The following FAM13A variants were observed in gnomAD, a reference collection of about 807,000 sequenced individuals.
The protein encoded by FAM13A is family with sequence similarity 13 member A, also known as protein FAM13A.
A neutral mutation model predicts 129.6 loss-of-function variants in FAM13A; 76 were observed. The observed-to-expected ratio is 0.59, with a 90% CI of 0.49 to 0.71. The LOEUF (loss-of-function observed/expected upper bound fraction) is 0.71, where lower values mean the gene tolerates loss of function less well. FAM13A is among the 30% of genes least tolerant of loss of function. The probability of loss-of-function intolerance (pLI) is 0.00; values close to 1 mark genes in which losing one functional copy is unlikely to be tolerated. For synonymous variants in FAM13A, 443 were observed against 449.9 expected (o/e 0.98, Z 0.20); for missense variants, 1,108 against 1,249.3 (o/e 0.89, Z 1.70).
intron 6 of FAM13A, among the ~76,000 whole-genome samples, chr4:88,852,483 C>T (rs1025051255): frequency 9.2e-5 from 14 of 152,106 alleles, no homozygotes; most frequent in Non-Finnish European, 1.8e-4. Context: ...TCTTAATGAC[C>T]TTTCCCAATT....
chr4:88,950,250 C>G (rs1053020968), intron 4 of FAM13A, among the ~76,000 whole-genome samples: 48 of 150,240 alleles, frequency 3.2e-4, no homozygotes, highest in African/African-American at 1.1e-3. Flanking sequence ...TTATGTTGCC[C>G]AGGCTGGAGT....
chr4:89,054,211 T>C (rs912331014), intron 1 of FAM13A, among the ~76,000 whole-genome samples: 8 of 152,012 alleles, frequency 5.3e-5, no homozygotes, highest in Non-Finnish European at 8.8e-5. Context: ...GGTTAGTCAA[T>C]GGACATAGAA....
intron 7 of FAM13A, among the ~76,000 whole-genome samples, chr4:88,828,511 C>T (rs1251784749): frequency 1.3e-5 from 2 of 152,068 alleles, no homozygotes; most frequent in African/African-American, 4.8e-5. Context: ...TTTTCCTGTA[C>T]AGTTTTATTA....
intron 4 of FAM13A, among the ~76,000 whole-genome samples, chr4:88,946,856 C>A (rs955467529): frequency 1.4e-4 from 21 of 152,084 alleles, no homozygotes; most frequent in African/African-American, 4.8e-4. Context: ...ATAAAGCCAC[C>A]CTTCAAATGT....
At chr4:88,978,445 A>G (rs1761193971) in intron 4 of FAM13A, among the ~76,000 whole-genome samples, 1 of 152,242 alleles carries the variant, frequency 6.6e-6, no homozygotes, top group South Asian at 2.1e-4. Flanking sequence ...AAAATGCTGT[A>G]AACTAAAGGA....
intron 16 of FAM13A, 25 bp from the exon 17 acceptor site, chr4:88,749,058 A>C: frequency 6.5e-7 from 1 of 1,544,564 alleles, no homozygotes; most frequent in Non-Finnish European, 8.9e-7. Context: ...TCTAGAGTAA[A>C]TGCTTTGGAA....
intron 5 of FAM13A, among the ~76,000 whole-genome samples, chr4:88,911,169 C>T (rs1295429817): frequency 6.6e-6 from 1 of 152,130 alleles, no homozygotes; most frequent in Non-Finnish European, 1.5e-5. Context: ...CTTAAATTCC[C>T]TTTATGATCC....
intron 7 of FAM13A, among the ~76,000 whole-genome samples, chr4:88,845,723 T>C (rs1226666176): frequency 6.6e-6 from 1 of 152,148 alleles, no homozygotes; most frequent in Non-Finnish European, 1.5e-5. Flanking sequence ...ATTAGAATCA[T>C]GAAGCAAGAG....
Position 89,027,810 on chromosome 4 carries a change from T to C in FAM13A, c.217+1650A>G, listed in dbSNP as rs1007158465. Among the ~76,000 whole-genome samples, 6 of 152,028 alleles carry C rather than the reference T, an allele frequency of 3.9e-5. 1 individual carries two copies. The highest frequency in any genetic ancestry group is 9.7e-5 in the African/African-American group (4 of 41,382). ...CTAAGTGACTAATAGGAAGGTGGCA[T>C]ATACACATGGATACACTGGACAAGG... On this transcript the variant is annotated intron_variant, in intron 2 of 23. Coordinates refer to ENST00000264344, the MANE Select transcript of FAM13A (RefSeq NM_014883.4).
chr4:88,871,464 G>C (rs1741377406), intron 6 of FAM13A, among the ~76,000 whole-genome samples: 1 of 152,170 alleles, frequency 6.6e-6, no homozygotes, highest in Non-Finnish European at 1.5e-5. Flanking sequence ...ACCTGATGGA[G>C]CTGAAAACCA....
chr4:89,023,295 C>T (rs900089590), intron 2 of FAM13A, among the ~76,000 whole-genome samples: 8 of 152,122 alleles, frequency 5.3e-5, no homozygotes, highest in Non-Finnish European at 1.2e-4. Context: ...AAAGGCATTC[C>T]GTCCCTGGTC....
intron 6 of FAM13A, among the ~76,000 whole-genome samples, chr4:88,873,576 C>T (rs1240263296): frequency 6.6e-6 from 1 of 152,056 alleles, no homozygotes; most frequent in Non-Finnish European, 1.5e-5. Flanking sequence ...ATACAGCCTC[C>T]CAAGACTAAC....
intron 6 of FAM13A, among the ~76,000 whole-genome samples, chr4:88,870,005 C>T (rs529837767): frequency 1.3e-5 from 2 of 152,200 alleles, no homozygotes; most frequent in East Asian, 3.9e-4. Flanking sequence ...AAGATTAATT[C>T]TAAACTGAGA....
intron 14 of FAM13A, among the ~76,000 whole-genome samples, chr4:88,752,869 CT>C (rs1742910316): frequency 6.6e-6 from 1 of 152,192 alleles, no homozygotes; most frequent in African/African-American, 2.4e-5. Flanking sequence ...TCTGCAAGGA[CT>C]TTCCCCAGGA....
intron 1 of FAM13A, among the ~76,000 whole-genome samples, chr4:89,046,331 T>C (rs1435453367): frequency 6.6e-6 from 1 of 152,156 alleles, no homozygotes; most frequent in East Asian, 1.9e-4. Flanking sequence ...GGTTGGAACA[T>C]ATTCAGGTTT....
intron 1 of FAM13A, among the ~76,000 whole-genome samples, chr4:89,048,945 CAAAG>C (rs1263901443): frequency 1.3e-5 from 2 of 152,014 alleles, no homozygotes; most frequent in South Asian, 2.1e-4. Flanking sequence ...TTAACAAAGA[CAAAG>C]AAGATTTAAA....
intron 3 of FAM13A, among the ~76,000 whole-genome samples, chr4:89,005,854 T>G (rs959928527): frequency 2.0e-5 from 3 of 152,248 alleles, no homozygotes. Flanking sequence ...TCTCCTATTC[T>G]ATAGGTTGTC....
chr4:88,754,316 T>C (rs564447173), intron 14 of FAM13A, among the ~76,000 whole-genome samples: 2 of 152,172 alleles, frequency 1.3e-5, no homozygotes, highest in East Asian at 1.9e-4. Context: ...TCAGACACTA[T>C]AGTACACATG....
At chr4:88,777,811 T>TTG (rs1722070130) in intron 11 of FAM13A, among the ~76,000 whole-genome samples, 1 of 152,200 alleles carries the variant, frequency 6.6e-6, no homozygotes, top group African/African-American at 2.4e-5. Flanking sequence ...CCCATCTTTC[T>TTG]ACCAACCCTA....
Sources: allele counts gnomAD v4.1 joint callset (sites outside exome capture counted in the v4.1 genomes callset), GRCh38; gene constraint gnomAD v4.1.1; transcripts MANE v1.5; gene names NCBI Gene and HGNC (gene_info 2026-07-23, HGNC 2026-07-21).